SATB2: variants seen among roughly 807,000 people sequenced by gnomAD.
SATB2 encodes SATB homeobox 2.
In SATB2, 1 loss-of-function variant was observed where a neutral mutation model predicts 73.4. The observed-to-expected ratio is 0.01, with a 90% CI of 0.00 to 0.06. The LOEUF (loss-of-function observed/expected upper bound fraction) is 0.06, where lower values mean the gene tolerates loss of function less well. Among genes scored for constraint, SATB2 ranks in the 10% least tolerant of loss-of-function variants. SATB2 has a pLI of 1.00. For synonymous variants in SATB2, 397 were observed against 367.0 expected, an observed-to-expected ratio of 1.08 and a Z score of -0.93; for missense variants, 459 against 945.8, an observed-to-expected ratio of 0.49 and a Z score of 6.75.
chr2:199,381,309 T>G (rs1176440667), intron 4 of SATB2, among the ~76,000 whole-genome samples: 2 of 152,166 alleles, frequency 1.3e-5, no homozygotes, highest in Non-Finnish European at 2.9e-5. Flanking sequence ...TCTCCCCTCA[T>G]AACACAAATG....
chr2:199,359,986 C>A (rs1559001972), intron 6 of SATB2, among the ~76,000 whole-genome samples: 1 of 152,168 alleles, frequency 6.6e-6, no homozygotes, highest in Non-Finnish European at 1.5e-5. Context: ...AAATAACTGT[C>A]TCCCATTAGG....
At chr2:199,470,780 T>C (rs1297322742) in intron 1 of SATB2, 1 of 152,312 alleles carries the variant, frequency 6.6e-6, no homozygotes, top group Non-Finnish European at 1.5e-5. Context: ...CCCAGCGGAG[T>C]GCGCATTGCG....
At chr2:199,422,088 G>A (rs931672173) in intron 3 of SATB2, among the ~76,000 whole-genome samples, 1 of 152,064 alleles carries the variant, frequency 6.6e-6, no homozygotes, top group African/African-American at 2.4e-5. Flanking sequence ...TCACGGTTAC[G>A]TAGTATTAAA....
chr2:199,386,707 C>T (rs1368196983), intron 3 of SATB2, among the ~76,000 whole-genome samples: 19 of 71,788 alleles, frequency 2.6e-4, no homozygotes, highest in African/African-American at 6.8e-4. Flanking sequence ...CGCGCGCGCG[C>T]GCGCGCGCGC....
upstream of SATB2, chr2:199,469,580 A>G (rs1208641557): frequency 6.6e-6 from 1 of 152,336 alleles, no homozygotes; most frequent in Non-Finnish European, 1.5e-5. Flanking sequence ...TAGCGAGATC[A>G]CTTATTTGAC....
chr2:199,448,068 T>C (rs1176181979), intron 2 of SATB2, among the ~76,000 whole-genome samples: 2 of 152,242 alleles, frequency 1.3e-5, no homozygotes, highest in Non-Finnish European at 2.9e-5. Flanking sequence ...TTTATCATGC[T>C]GCTCTGTTAG....
In SATB2 at chr2:199,308,080, A is replaced by G. The variant is rs1202942685; in HGVS notation, c.1740+680T>C. Among the ~76,000 whole-genome samples, 3 of 152,200 alleles carry G rather than the reference A, an allele frequency of 2.0e-5. No individual in the cohort carries two copies. The highest frequency in any genetic ancestry group is 4.4e-5 in the Non-Finnish European group (3 of 68,042). ...AAACCTCAACTAATATTTCTTCTTA[A>G]AAGCAATTAATTTTAGACTATGGAA... On this transcript the variant is annotated intron_variant, in intron 10 of 10. Transcript: ENST00000417098. The surrounding 1 kb of genome is among the most constrained non-coding windows in gnomAD (Gnocchi z 4.6).
At chr2:199,289,257 G>A (rs1277747785) in intron 10 of SATB2, among the ~76,000 whole-genome samples, 4 of 152,126 alleles carry the variant, frequency 2.6e-5, no homozygotes, top group Non-Finnish European at 5.9e-5. Flanking sequence ...CGGGTGAGAA[G>A]TGAAAAGCCA....
chr2:199,372,739 T>C (rs965799803), intron 5 of SATB2, among the ~76,000 whole-genome samples: 2 of 152,000 alleles, frequency 1.3e-5, no homozygotes, highest in African/African-American at 2.4e-5. Context: ...ACCAATACTT[T>C]AGACAAAACA....
chr2:199,417,410 C>CA (rs1691027346), intron 3 of SATB2, among the ~76,000 whole-genome samples: 1 of 152,250 alleles, frequency 6.6e-6, no homozygotes, highest in South Asian at 2.1e-4. Context: ...GAGGCAGTTC[C>CA]ACAAGTGGAA....
At chr2:199,378,030 A>T (rs1305616442) in intron 5 of SATB2, among the ~76,000 whole-genome samples, 1 of 152,152 alleles carries the variant, frequency 6.6e-6, no homozygotes, top group East Asian at 1.9e-4. Context: ...ATGCAAATAC[A>T]ATGATGCCCA....
intron 3 of SATB2, among the ~76,000 whole-genome samples, chr2:199,411,731 G>A (rs1050254866): frequency 6.6e-6 from 1 of 152,162 alleles, no homozygotes; most frequent in Non-Finnish European, 1.5e-5. Flanking sequence ...GACAGGACTA[G>A]TTCCTAGACT....
chr2:199,422,853 A>C (rs1452610713), intron 3 of SATB2, among the ~76,000 whole-genome samples: 1 of 152,174 alleles, frequency 6.6e-6, no homozygotes, highest in Non-Finnish European at 1.5e-5. Context: ...TATAGCCATA[A>C]TATGTCTATT....
At chr2:199,469,078 C>A (rs536095100), upstream of SATB2, among the ~76,000 whole-genome samples, 2 of 152,224 alleles carry the variant, frequency 1.3e-5, no homozygotes, top group Admixed American at 1.3e-4. Context: ...CGCGCGGAGG[C>A]GAGAAAGGGC....
intron 3 of SATB2, among the ~76,000 whole-genome samples, chr2:199,425,891 A>G (rs1266516324): frequency 6.6e-6 from 1 of 152,184 alleles, no homozygotes; most frequent in Non-Finnish European, 1.5e-5. Context: ...GCACACACAC[A>G]TATGTATGAA....
upstream of SATB2, among the ~76,000 whole-genome samples, chr2:199,462,674 G>T (rs527491916): frequency 2.0e-5 from 3 of 152,306 alleles, no homozygotes; most frequent in East Asian, 5.8e-4. This position sits in a 1 kb window ranked among gnomAD's most constrained non-coding sequence, Gnocchi z 5.9. Context: ...GGGCGGGGGC[G>T]GAGAGGGAAG....
chr2:199,344,006 G>A (rs1349769610), intron 7 of SATB2, among the ~76,000 whole-genome samples: 3 of 152,182 alleles, frequency 2.0e-5, no homozygotes, highest in Non-Finnish European at 4.4e-5. Flanking sequence ...CTAGGTCCTT[G>A]GCAAAGTATA....
intron 7 of SATB2, among the ~76,000 whole-genome samples, chr2:199,344,710 C>A (rs1688601516): frequency 1.3e-5 from 2 of 152,178 alleles, no homozygotes; most frequent in African/African-American, 4.8e-5. Flanking sequence ...GGTATCATCA[C>A]CAGTTCATGC....
In SATB2 at chr2:199,308,585, CACAT is replaced by C. The variant is rs755439511; in HGVS notation, c.1740+171_1740+174del. On this transcript the variant is annotated intron_variant, in intron 10 of 10. Coordinates refer to ENST00000417098, the MANE Select transcript of SATB2 (RefSeq NM_001172509.2). The surrounding 1 kb of genome is among the most constrained non-coding windows in gnomAD (Gnocchi z 4.6). The stretch of plus-strand genomic sequence containing the variant: ...ACACGCACGCACATGCACACACACA[CACAT>C]ACACATACACACAGTACCCACTGTG... Among the ~76,000 whole-genome samples, 109 of 151,818 alleles carry C rather than the reference CACAT, an allele frequency of 7.2e-4. No individual in the cohort carries two copies. Among genetic ancestry groups the C allele is most frequent in the East Asian group, 1.2e-3 (6 of 5,128 alleles).
Sources: allele counts gnomAD v4.1 joint callset (sites outside exome capture counted in the v4.1 genomes callset), GRCh38; gene constraint gnomAD v4.1.1; non-coding constraint Gnocchi (gnomAD v3.1); transcripts MANE v1.5; gene names NCBI Gene and HGNC (gene_info 2026-07-23, HGNC 2026-07-21).